The following BLK variants were observed in gnomAD, a reference collection of about 807,000 sequenced individuals.
BLK encodes the protein BLK proto-oncogene, Src family tyrosine kinase.
BLK carries 64 observed loss-of-function variants against 61.8 expected under a neutral mutation model. The observed-to-expected ratio is 1.03, with a 90% confidence interval of 0.85 to 1.27. The LOEUF (loss-of-function observed/expected upper bound fraction) is 1.27, where lower values mean the gene tolerates loss of function less well. Ranked by LOEUF, BLK falls within the 50% of genes most tolerant of loss-of-function variation. The pLI, the probability that BLK is intolerant of heterozygous loss-of-function variation, is 0.00. For missense variants in BLK, 853 were observed against 660.5 expected (o/e 1.29, Z -3.19); for synonymous variants, 351 against 272.0 (o/e 1.29, Z -2.86).
chr8:11,495,188 A>T (rs541406115), intron 1 of BLK, among the ~76,000 whole-genome samples: 2 of 152,326 alleles, frequency 1.3e-5, no homozygotes, highest in South Asian at 4.1e-4. Context: ...TTGATCACAT[A>T]TTTTGAAAGG....
intron 1 of BLK, among the ~76,000 whole-genome samples, chr8:11,536,464 C>A (rs1585376588): frequency 6.6e-6 from 1 of 152,192 alleles, no homozygotes; most frequent in African/African-American, 2.4e-5. Flanking sequence ...GATCTTGGCT[C>A]ACTGCAACCT....
At chr8:11,531,809 T>C (rs1799896758) in intron 1 of BLK, among the ~76,000 whole-genome samples, 1 of 152,218 alleles carries the variant, frequency 6.6e-6, no homozygotes, top group Non-Finnish European at 1.5e-5. Context: ...CCCTCTGACC[T>C]TCCTTCTGCA....
intron 8 of BLK, 178 bp downstream of exon 8, chr8:11,555,662 T>G (rs2117553476): frequency 9.9e-7 from 1 of 1,011,634 alleles, no homozygotes; most frequent in East Asian, 2.6e-5. Flanking sequence ...AGAGCCGCGT[T>G]GTAACAGCTG....
At position 11,519,136 on chromosome 8, in the gene BLK, G is replaced by T. The variant is rs373131821; in HGVS notation, c.-1-24088G>T. Among the ~76,000 whole-genome samples, 7 of 152,268 alleles carry T rather than the reference G, an allele frequency of 4.6e-5. No homozygotes were observed. The East Asian group carries it at 7.7e-4, about 17-fold the overall frequency. ...ATATGGGCTCCACGGAGCAGGAGCT[G>T]CCAGCTGTGGCCTCCAGCATGTTGC... On this transcript the variant is annotated intron_variant, in intron 1 of 12. Coordinates refer to ENST00000259089, the MANE Select transcript of BLK (RefSeq NM_001715.3).
intron 8 of BLK, 129 bp downstream of exon 8, chr8:11,555,613 G>A (rs888518777): frequency 6.4e-5 from 90 of 1,404,570 alleles, no homozygotes; most frequent in Non-Finnish European, 8.4e-5. Flanking sequence ...GAGGACAGAG[G>A]CGAGGACACT....
chr8:11,548,958 G>C, intron 4 of BLK, 66 bp from the exon 5 acceptor site: 1 of 1,424,124 alleles, frequency 7.0e-7, no homozygotes, highest in Non-Finnish European at 9.7e-7. Flanking sequence ...GAGGAGGCCT[G>C]AGAGCTGCCC....
chr8:11,527,616 T>G (rs2252517), intron 1 of BLK, among the ~76,000 whole-genome samples: 2,612 of 151,950 alleles, frequency 0.017, 44 homozygotes, highest in African/African-American at 0.046. Context: ...GGGTAATAGA[T>G]AATGGGTGTT....
chr8:11,521,247 C>T (rs1799435627), intron 1 of BLK, among the ~76,000 whole-genome samples: 1 of 152,044 alleles, frequency 6.6e-6, no homozygotes, highest in Non-Finnish European at 1.5e-5. Flanking sequence ...TAAAGATATC[C>T]TGTATTTTTT....
chr8:11,552,044 G>A (rs985308275), intron 6 of BLK, among the ~76,000 whole-genome samples: 1 of 152,220 alleles, frequency 6.6e-6, no homozygotes, highest in Non-Finnish European at 1.5e-5. Flanking sequence ...GATGGTGACA[G>A]TGACATCAGA....
chr8:11,558,237 C>G (rs1022062036), intron 10 of BLK, among the ~76,000 whole-genome samples, 199 bp downstream of exon 10: 18 of 152,338 alleles, frequency 1.2e-4, no homozygotes, highest in African/African-American at 4.1e-4. Context: ...TGCCTCCTGC[C>G]CCACGCAGCT....
At chr8:11,513,886 C>A (rs1672730393) in intron 1 of BLK, among the ~76,000 whole-genome samples, 3 of 152,152 alleles carry the variant, frequency 2.0e-5, no homozygotes, top group South Asian at 4.2e-4. Context: ...CTGGGCCCGA[C>A]CCAGGTGGAT....
chr8:11,551,996 C>T (rs1190166940), intron 6 of BLK, among the ~76,000 whole-genome samples: 2 of 152,254 alleles, frequency 1.3e-5, no homozygotes, highest in South Asian at 2.1e-4. Flanking sequence ...TCCACAGGGA[C>T]CAGGTACAGC....
chr8:11,525,134 C>T (rs1799604692), intron 1 of BLK, among the ~76,000 whole-genome samples: 1 of 152,212 alleles, frequency 6.6e-6, no homozygotes, highest in African/African-American at 2.4e-5. Context: ...GAAGAGGGTT[C>T]TGTCACCTCT....
intron 1 of BLK, chr8:11,509,894 A>G: frequency 6.6e-6 from 1 of 152,112 alleles, no homozygotes; most frequent in East Asian, 1.9e-4. Context: ...AAGACATAGC[A>G]CCTTAGATTC....
intron 8 of BLK, 54 bp from the exon 9 acceptor site, chr8:11,556,604 C>G: frequency 1.2e-6 from 2 of 1,612,062 alleles, no homozygotes; most frequent in Non-Finnish European, 1.7e-6. Context: ...TAAGGGATCA[C>G]CTCCGAGCAA....
intron 1 of BLK, among the ~76,000 whole-genome samples, chr8:11,534,827 A>G (rs1800045696): frequency 6.6e-6 from 1 of 152,200 alleles, no homozygotes. Flanking sequence ...GCCTCTCACC[A>G]TCAGGCTCTG....
At position 11,563,941 on chromosome 8, in the gene BLK, G is replaced by A. The variant is rs199605698; in HGVS notation, c.1351G>A (p.Gly451Ser). ...CGAGGTCATCCGCAACCTGGAGCGC[G>A]GCTACCGCATGCCGCGCCCCGACAC... ...NPEVIRNLER[G>S]YRMPRPDTCP... The change falls in exon 13 of 13, where the codon GGC (glycine) becomes AGC (serine). Residue 451 changes from glycine (G) to serine (S), a missense_variant. Physicochemically the swap from Gly to Ser is moderately conservative, Grantham distance 56. Coordinates refer to ENST00000259089, the MANE Select transcript of BLK (RefSeq NM_001715.3). 366 of 1,608,048 alleles carry A rather than the reference G, an allele frequency of 2.3e-4. No homozygotes were observed. The highest frequency in any genetic ancestry group is 3.0e-4 in the Non-Finnish European group (351 of 1,179,424).
Position 11,564,191 on chromosome 8 carries a change from C to A in BLK, c.*83C>A. ...TGCCATCCCAGACGGGCCGCGAAGG[C>A]GGGGTGTCGCCTGTGCCCTTTTCTC... On this transcript the variant is annotated 3_prime_UTR_variant, in exon 13 of 13. Transcript: ENST00000259089. 6.8e-7 allele frequency: 1 copy of A among 1,468,378 alleles called. No individual in the cohort carries two copies. Among genetic ancestry groups the A allele is most frequent in the Non-Finnish European group, 9.2e-7 (1 of 1,087,926 alleles). 91.0% of individuals were successfully genotyped at this position (1,468,378 alleles called of 1,614,324 possible). A position where few individuals can be genotyped will look rare whatever the true frequency, so the allele number is the denominator to read the frequency against.
intron 2 of BLK, chr8:11,545,785 C>T (rs1017452499): frequency 5.9e-6 from 3 of 511,304 alleles, no homozygotes; most frequent in African/African-American, 1.9e-5. Flanking sequence ...GTTGGGCTTT[C>T]CCTCATTGTC....
Sources: gnomAD v4.1 joint callset for allele counts (sites outside exome capture counted in the v4.1 genomes callset) on GRCh38, gnomAD v4.1.1 for gene constraint, MANE v1.5 for transcripts, NCBI Gene and HGNC (gene_info 2026-07-23, HGNC 2026-07-21) for gene names.